The following RIIAD1 variants were observed in gnomAD, a reference collection of about 807,000 sequenced individuals.
The protein encoded by RIIAD1 is regulatory subunit of type II PKA R-subunit domain containing 1.
Under a neutral mutation model 13.3 loss-of-function variants are expected in RIIAD1, and 15 were observed. The ratio of observed to expected loss-of-function variants is 1.13; its 90% CI spans 0.76 to 1.74. The LOEUF is 1.74. Among genes scored for constraint, RIIAD1 ranks in the 40% most tolerant of loss-of-function variants. The pLI, the probability that RIIAD1 is intolerant of heterozygous loss-of-function variation, is 0.00. For missense variants in RIIAD1, 121 were observed against 112.2 expected, an observed-to-expected ratio of 1.08 and a Z score of -0.35; for synonymous variants, 50 against 43.3, an observed-to-expected ratio of 1.16 and a Z score of -0.61.
rs926727252 is a variant in RIIAD1 at position 151,711,571 on chromosome 1, C to T, written c.-346+197C>T. Among the ~76,000 whole-genome samples, 6 of 152,196 alleles carry T rather than the reference C, an allele frequency of 3.9e-5. No individual in the cohort carries two copies. The East Asian group carries it at 1.2e-3, about 29-fold the overall frequency. ...CAATCTGGGATTATCCCATCGGAGGCTCAATCTCCTTAGGCATGTGTGTGC... is the reference window on the plus strand; with the variant it reads ...CAATCTGGGATTATCCCATCGGAGGTTCAATCTCCTTAGGCATGTGTGTGC... On this transcript the variant is annotated intron_variant, in intron 1 of 8. Transcript: ENST00000326413.
upstream of RIIAD1, among the ~76,000 whole-genome samples, chr1:151,720,983 A>G (rs1012033630): frequency 6.6e-6 from 1 of 152,208 alleles, no homozygotes; most frequent in Admixed American, 6.5e-5. Context: ...AAGAGGGGGA[A>G]ATTCTGGCAG....
intron 3 of RIIAD1, 132 bp from the exon 4 acceptor site, chr1:151,728,634 C>G (rs933578608): frequency 4.5e-6 from 3 of 661,896 alleles, no homozygotes; most frequent in Non-Finnish European, 8.2e-6. Flanking sequence ...CATTGTAAAG[C>G]AGGGCCACCA....
chr1:151,720,158 A>T (rs979700867), upstream of RIIAD1, among the ~76,000 whole-genome samples: 1 of 152,190 alleles, frequency 6.6e-6, no homozygotes, highest in African/African-American at 2.4e-5. Context: ...TGTGTATTTT[A>T]TATTTGCTGC....
chr1:151,717,421 G>A (rs1673563561), upstream of RIIAD1, among the ~76,000 whole-genome samples: 2 of 152,260 alleles, frequency 1.3e-5, no homozygotes, highest in Non-Finnish European at 2.9e-5. Flanking sequence ...ATAGCTTTCT[G>A]GCATTTGCCG....
At chr1:151,723,560 C>T (rs1478721626) in intron 2 of RIIAD1, among the ~76,000 whole-genome samples, 1 of 151,788 alleles carries the variant, frequency 6.6e-6, no homozygotes, top group Non-Finnish European at 1.5e-5. Context: ...ATTAGTCAGG[C>T]GTGGTGGCAC....
chr1:151,726,941 G>A (rs1049426191), intron 2 of RIIAD1, among the ~76,000 whole-genome samples: 4 of 152,148 alleles, frequency 2.6e-5, no homozygotes, highest in African/African-American at 4.8e-5. Context: ...TGGGCCGGCC[G>A]GCATGTTCTT....
At position 151,721,524 on chromosome 1, in the gene RIIAD1, C is replaced by G; in HGVS notation, c.-13C>G. On this transcript the variant is annotated 5_prime_UTR_variant, in exon 1 of 5. Coordinates refer to ENST00000479191, the MANE Select transcript of RIIAD1 (RefSeq NM_001144956.3). ...GCCGGCTCGCGGCCGGTCGCCTTGA[C>G]GACCGCAGCAAGATGGAGACGCTGC... 7.7e-7 allele frequency: 1 copy of G among 1,305,528 alleles called. No homozygotes were observed. Among genetic ancestry groups the G allele is most frequent in the East Asian group, 3.1e-5 (1 of 31,954 alleles). 80.9% of individuals were successfully genotyped at this position (1,305,528 alleles called of 1,614,324 possible). A position where few individuals can be genotyped will look rare whatever the true frequency, so the allele number is the denominator to read the frequency against.
chr1:151,719,659 CCCTCAAGTGGCTTCCA>C (rs1211406340), upstream of RIIAD1: 1 of 702,894 alleles, frequency 1.4e-6, no homozygotes, highest in South Asian at 1.5e-5. Flanking sequence ...AACCTTCCTG[CCCTCAAGTGGCTTCCA>C]CCTCAAGTGG....
intron 2 of RIIAD1, among the ~76,000 whole-genome samples, chr1:151,725,442 A>G (rs1020184380): frequency 5.9e-5 from 9 of 152,130 alleles, no homozygotes; most frequent in Non-Finnish European, 5.9e-5. Flanking sequence ...TAGTTCCACA[A>G]CGTTGCTTTT....
At chr1:151,718,673 G>A (rs1309456618), upstream of RIIAD1, among the ~76,000 whole-genome samples, 1 of 152,192 alleles carries the variant, frequency 6.6e-6, no homozygotes, top group African/African-American at 2.4e-5. Context: ...ATGGATGCCC[G>A]GGTCCCCCAA....
chr1:151,720,453 GA>G (rs1391509596), upstream of RIIAD1, among the ~76,000 whole-genome samples: 1 of 152,136 alleles, frequency 6.6e-6, no homozygotes, highest in Non-Finnish European at 1.5e-5. Flanking sequence ...CACTAACCAA[GA>G]TGGGGTTCCT....
chr1:151,719,386 T>A (rs1238997989), upstream of RIIAD1, among the ~76,000 whole-genome samples: 1 of 152,162 alleles, frequency 6.6e-6, no homozygotes, highest in Non-Finnish European at 1.5e-5. Context: ...CTCACCCTCT[T>A]TTTTATTCCT....
At position 151,721,585 on chromosome 1, in the gene RIIAD1, A is replaced by G. The variant is rs575186247; in HGVS notation, c.49A>G (p.Ser17Gly). 5 of 1,309,158 alleles carry G rather than the reference A, an allele frequency of 3.8e-6. No homozygotes were observed. The African/African-American group carries it at 4.6e-5, about 12-fold the overall frequency. The allele number at this position is 1,309,158 out of a possible 1,614,324, so 81.1% of individuals were successfully genotyped here. ...LLQRPDPGALSAAQLEQLRKF... is the reference protein window; with the variant it reads ...LLQRPDPGALGAAQLEQLRKF... ...GCAGCGGCCCGACCCCGGGGCGCTT[A>G]GCGCAGCGCAGCTGGAGCAGCTGCG... The change falls in exon 1 of 5, where the codon AGC (serine) becomes GGC (glycine). Residue 17 changes from serine (S) to glycine (G), a missense_variant. Coordinates refer to ENST00000479191, the MANE Select transcript of RIIAD1 (RefSeq NM_001144956.3).
At chr1:151,722,026 C>T in intron 1 of RIIAD1, 60 bp from the exon 2 acceptor site, 2 of 1,236,516 alleles carry the variant, frequency 1.6e-6, no homozygotes, top group Non-Finnish European at 2.3e-6. Context: ...CTTCACATCT[C>T]CAGGGCTGAA....
chr1:151,719,423 A>G (rs180883276), upstream of RIIAD1, among the ~76,000 whole-genome samples: 6 of 152,318 alleles, frequency 3.9e-5, no homozygotes, highest in East Asian at 7.7e-4. Context: ...GCTGCCCTAC[A>G]TAAAAAGATT....
chr1:151,715,784 C>G, intron 4 of RIIAD1: 1 of 1,594,322 alleles, frequency 6.3e-7, no homozygotes, highest in Non-Finnish European at 8.5e-7. Flanking sequence ...CCACATCAGC[C>G]CTTCCCAGCC....
chr1:151,721,995 CG>C, intron 1 of RIIAD1, 90 bp from the exon 2 acceptor site: 1 of 873,780 alleles, frequency 1.1e-6, no homozygotes. Flanking sequence ...GGGTTAAATG[CG>C]CACGCCGTTT....
chr1:151,719,646 T>G, upstream of RIIAD1: 1 of 702,984 alleles, frequency 1.4e-6, no homozygotes, highest in Non-Finnish European at 2.6e-6. Context: ...GAATTGATTC[T>G]ATAACCTTCC....
upstream of RIIAD1, among the ~76,000 whole-genome samples, chr1:151,717,299 AAG>A (rs1413376407): frequency 3.3e-5 from 5 of 152,242 alleles, no homozygotes; most frequent in Non-Finnish European, 5.9e-5. Flanking sequence ...CTGGGGGAAA[AAG>A]AAAAAATGCA....
Sources: gnomAD v4.1 joint callset for allele counts (sites outside exome capture counted in the v4.1 genomes callset) on GRCh38, gnomAD v4.1.1 for gene constraint, MANE v1.5 for transcripts, NCBI Gene and HGNC (gene_info 2026-07-23, HGNC 2026-07-21) for gene names.